COL9A1: variants seen among roughly 807,000 people sequenced by gnomAD.
COL9A1 encodes the protein collagen type IX alpha 1 chain, also known as collagen alpha-1(IX) chain.
A neutral mutation model predicts 142.6 loss-of-function variants in COL9A1; 104 were observed. The observed-to-expected ratio is 0.73, with a 90% CI of 0.62 to 0.86. COL9A1 has a LOEUF of 0.86. Among genes scored for constraint, COL9A1 ranks in the 40% least tolerant of loss-of-function variants. COL9A1 has a pLI of 0.00. For synonymous variants in COL9A1, 466 were observed against 396.0 expected (o/e 1.18, Z -2.10); for missense variants, 1,210 against 1,176.6 (o/e 1.03, Z -0.42).
intron 35 of COL9A1, 82 bp downstream of exon 35, chr6:70,234,457 T>G: frequency 7.1e-7 from 1 of 1,412,988 alleles, no homozygotes; most frequent in Non-Finnish European, 1.0e-6. Context: ...CACTCTTGTT[T>G]ACCCTTGTGT....
rs986481574 is a variant in COL9A1 at position 70,302,463 on chromosome 6, C to A, written c.15-389G>T. 5.9e-5 allele frequency among the ~76,000 whole-genome samples: 9 copies of A among 152,198 alleles called. No individual in the cohort carries two copies. In the East Asian group the frequency reaches 1.7e-3, roughly 30 times the overall value. On this transcript the variant is annotated intron_variant, in intron 1 of 37. Coordinates refer to ENST00000357250, the MANE Select transcript of COL9A1 (RefSeq NM_001851.6). The stretch of plus-strand genomic sequence containing the variant: ...GACCTCGTGATTCGCCCGCCTCGGC[C>A]TCCCAAAGTGCTGGGATTACAAGCA...
chr6:70,294,534 T>A lies in COL9A1; in HGVS notation c.329A>T (p.Glu110Val), dbSNP rs1341213163. Residue 110 changes from glutamate to valine, a missense_variant, in exon 5 of 38, where the codon GAA becomes GTA. Physicochemically the swap from Glu to Val is moderately radical, Grantham distance 121. Coordinates refer to ENST00000357250, the MANE Select transcript of COL9A1 (RefSeq NM_001851.6). ...TCGAAACGTCGTCAAGAAGGAGTAT[T>A]CTTCAGGCAGTCCACTGGGATATAA... ...RNLYPSGLPE[E>V]YSFLTTFRMT... 6.2e-7 allele frequency: 1 copy of A among 1,614,066 alleles called. No homozygotes were observed. Among genetic ancestry groups the A allele is most frequent in the Non-Finnish European group, 8.5e-7 (1 of 1,179,946 alleles).
rs141579445 is a variant in COL9A1 at position 70,262,925 on chromosome 6, C to T, written c.1395+319G>A. 1.6e-3 allele frequency among the ~76,000 whole-genome samples: 250 copies of T among 152,198 alleles called. 1 individual carries two copies. The highest frequency in any genetic ancestry group is 5.7e-3 in the African/African-American group (236 of 41,538). ...TTTCTCATTATATCATGTGATAATA[C>T]GATAGAACATAAAAGATGAGTATCA... On this transcript the variant is annotated intron_variant, in intron 19 of 37. Transcript: ENST00000357250.
In COL9A1 at chr6:70,294,624, C is replaced by T. The variant is rs180819664; in HGVS notation, c.300-61G>A. ...GTTTCCTGTACCCATATGTATTTACCACATTCCCTTTTGAGGCCATTTTAG... is the reference window on the plus strand; with the variant it reads ...GTTTCCTGTACCCATATGTATTTACTACATTCCCTTTTGAGGCCATTTTAG... On this transcript the variant is annotated intron_variant, in intron 4 of 37. Coordinates refer to ENST00000357250, the MANE Select transcript of COL9A1 (RefSeq NM_001851.6). 4.8e-4 allele frequency: 736 copies of T among 1,544,222 alleles called. 2 individuals carry two copies. Among genetic ancestry groups the T allele is most frequent in the Non-Finnish European group, 6.2e-4 (698 of 1,119,512 alleles).
intron 25 of COL9A1, 44 bp downstream of exon 25, chr6:70,254,432 A>T: frequency 1.9e-6 from 3 of 1,575,642 alleles, no homozygotes; most frequent in Non-Finnish European, 2.6e-6. Context: ...TATCTTTAAA[A>T]CATGTATATA....
At chr6:70,282,839 G>A (rs1773250070) in intron 7 of COL9A1, 59 bp downstream of exon 7, 17 of 1,612,782 alleles carry the variant, frequency 1.1e-5, no homozygotes, top group African/African-American at 2.7e-5. Context: ...CGACCGCTGC[G>A]CCCCGACCTG....
intron 29 of COL9A1, chr6:70,242,269 G>GCAA: frequency 1.7e-6 from 1 of 593,946 alleles, no homozygotes; most frequent in Non-Finnish European, 3.0e-6. Context: ...GCACTCCTTG[G>GCAA]CAACAGTAGG....
intron 33 of COL9A1, among the ~76,000 whole-genome samples, chr6:70,236,516 C>A (rs538288649): frequency 3.2e-4 from 48 of 152,306 alleles, no homozygotes; most frequent in African/African-American, 8.9e-4. Context: ...AATCCTGCTT[C>A]TTTTTCATAT....
intron 10 of COL9A1, among the ~76,000 whole-genome samples, chr6:70,276,838 T>TG (rs955702140): frequency 6.6e-6 from 1 of 152,174 alleles, no homozygotes; most frequent in Admixed American, 6.5e-5. Context: ...TTAGCAGCTG[T>TG]GGAATCATGG....
chr6:70,219,219 G>C (rs1464916719), intron 37 of COL9A1, among the ~76,000 whole-genome samples: 1 of 152,130 alleles, frequency 6.6e-6, no homozygotes, highest in Non-Finnish European at 1.5e-5. Flanking sequence ...TTCCCACTGA[G>C]ACATACCAGG....
At chr6:70,221,968 G>A (rs1223917434) in intron 37 of COL9A1, among the ~76,000 whole-genome samples, 1 of 152,126 alleles carries the variant, frequency 6.6e-6, no homozygotes, top group Non-Finnish European at 1.5e-5. Flanking sequence ...AGAAAGAAGC[G>A]AGACACTCAG....
intron 19 of COL9A1, among the ~76,000 whole-genome samples, chr6:70,262,148 C>T (rs937597433): frequency 6.6e-6 from 1 of 150,466 alleles, no homozygotes; most frequent in African/African-American, 2.4e-5. Context: ...TAAATCCCTA[C>T]CAAATTTTCA....
chr6:70,299,797 T>C (rs1421467218), intron 4 of COL9A1, among the ~76,000 whole-genome samples: 6 of 152,184 alleles, frequency 3.9e-5, no homozygotes, highest in African/African-American at 1.4e-4. Flanking sequence ...AATAAGAACA[T>C]GTCCTGAATC....
In COL9A1 at chr6:70,233,759, T is replaced by C. The variant is rs1000092686; in HGVS notation, c.2314+780A>G. Among the ~76,000 whole-genome samples, 3 of 152,228 alleles carry C rather than the reference T, an allele frequency of 2.0e-5. No homozygotes were observed. In the East Asian group the frequency reaches 5.8e-4, roughly 29 times the overall value. The stretch of plus-strand genomic sequence containing the variant: ...TATAGAAGTGAATGTTTCATTCCTA[T>C]TTGGTTCTGGAAAACTTCTCAAGTC... On this transcript the variant is annotated intron_variant, in intron 35 of 37. Transcript: ENST00000357250.
intron 33 of COL9A1, among the ~76,000 whole-genome samples, chr6:70,236,947 G>A (rs1269972735): frequency 6.6e-6 from 1 of 152,012 alleles, no homozygotes; most frequent in East Asian, 1.9e-4. Context: ...TCAGCCTCCA[G>A]AGTAGCTAGG....
chr6:70,227,984 G>C (rs1255008355), intron 36 of COL9A1, among the ~76,000 whole-genome samples: 1 of 152,066 alleles, frequency 6.6e-6, no homozygotes, highest in Non-Finnish European at 1.5e-5. Flanking sequence ...GAAAAGAATA[G>C]TATTGATTAC....
At chr6:70,231,251 G>T (rs1193409027) in intron 36 of COL9A1, among the ~76,000 whole-genome samples, 7 of 152,140 alleles carry the variant, frequency 4.6e-5, no homozygotes, top group Non-Finnish European at 1.0e-4. Flanking sequence ...ACCCGCTTTT[G>T]CACAACAGAT....
rs551563249 is a variant in COL9A1 at position 70,244,176 on chromosome 6, T to C, written c.1873-1461A>G. ...CATAGTAGTCATTTCATATGACTTA[T>C]AGGTGATTTAAACTAAATGCTTTTA... On this transcript the variant is annotated intron_variant, in intron 28 of 37. Coordinates refer to ENST00000357250, the MANE Select transcript of COL9A1 (RefSeq NM_001851.6). Among the ~76,000 whole-genome samples the C allele has an allele frequency of 7.2e-5, 11 of 152,354 alleles. No individual in the cohort carries two copies. In the South Asian group the frequency reaches 2.3e-3, roughly 32 times the overall value.
intron 20 of COL9A1, among the ~76,000 whole-genome samples, chr6:70,257,210 G>A (rs1481883606): frequency 2.6e-5 from 4 of 151,990 alleles, no homozygotes; most frequent in African/African-American, 7.2e-5. Context: ...ACAGGCGCAC[G>A]CCGTCATGCC....
Sources: gnomAD v4.1 joint callset for allele counts (sites outside exome capture counted in the v4.1 genomes callset) on GRCh38, gnomAD v4.1.1 for gene constraint, MANE v1.5 for transcripts, NCBI Gene and HGNC (gene_info 2026-07-23, HGNC 2026-07-21) for gene names.